FBXL7: variants seen among roughly 807,000 people sequenced by gnomAD.
The protein encoded by FBXL7 is F-box and leucine rich repeat protein 7.
Under a neutral mutation model 38.3 loss-of-function variants are expected in FBXL7, and 12 were observed. The ratio of observed to expected loss-of-function variants is 0.31; its 90% CI spans 0.20 to 0.51. The LOEUF (loss-of-function observed/expected upper bound fraction) is 0.51. FBXL7 is among the 20% of genes least tolerant of loss of function. The pLI, the probability that FBXL7 is intolerant of heterozygous loss-of-function variation, is 0.98. For missense variants in FBXL7, 567 were observed against 676.4 expected (o/e 0.84, Z 1.79); for synonymous variants, 297 against 300.9 (o/e 0.99, Z 0.13).
At chr5:15,654,465 C>T (rs1048930407) in intron 2 of FBXL7, among the ~76,000 whole-genome samples, 7 of 150,584 alleles carry the variant, frequency 4.6e-5, no homozygotes, top group African/African-American at 1.5e-4. Context: ...ATCTACTTAC[C>T]ACTAGCCATG....
rs572755614 is a variant in FBXL7 at position 15,891,761 on chromosome 5, G to A, written c.128-36129G>A. The stretch of plus-strand genomic sequence containing the variant: ...TGGCACATTCAAAGGAGAAATTGAC[G>A]AGAACTGAATAAAGGTGCTATTTAC... On this transcript the variant is annotated intron_variant, in intron 2 of 3. Transcript: ENST00000504595. 2.4e-3 allele frequency among the ~76,000 whole-genome samples: 371 copies of A among 152,256 alleles called. 1 individual carries two copies. The highest frequency in any genetic ancestry group is 3.1e-3 in the Admixed American group (48 of 15,292).
At chr5:15,560,965 A>G (rs1247808006) in intron 1 of FBXL7, among the ~76,000 whole-genome samples, 1 of 152,222 alleles carries the variant, frequency 6.6e-6, no homozygotes, top group African/African-American at 2.4e-5. Context: ...ATATGTGTAT[A>G]CATACTGTAG....
chr5:15,770,524 G>T (rs1736701734), intron 2 of FBXL7, among the ~76,000 whole-genome samples: 1 of 152,196 alleles, frequency 6.6e-6, no homozygotes, highest in Non-Finnish European at 1.5e-5. Context: ...AAGCTGCAGA[G>T]ATGCCAGTGG....
At chr5:15,696,233 T>G (rs1743330044) in intron 2 of FBXL7, among the ~76,000 whole-genome samples, 2 of 152,136 alleles carry the variant, frequency 1.3e-5, no homozygotes, top group Non-Finnish European at 2.9e-5. Context: ...AATAGTATAT[T>G]TAGCCACCCA....
chr5:15,707,932 G>A (rs1156270394), intron 2 of FBXL7, among the ~76,000 whole-genome samples: 1 of 152,040 alleles, frequency 6.6e-6, no homozygotes, highest in Non-Finnish European at 1.5e-5. Flanking sequence ...TCTTTTGTCT[G>A]GACTCTTCTC....
At chr5:15,749,575 C>T (rs193002113) in intron 2 of FBXL7, among the ~76,000 whole-genome samples, 47 of 149,412 alleles carry the variant, frequency 3.1e-4, no homozygotes, top group South Asian at 1.1e-3. Context: ...TGCAGTGAGC[C>T]GAGATTGCGC....
intron 2 of FBXL7, among the ~76,000 whole-genome samples, chr5:15,869,427 A>G (rs890780656): frequency 6.6e-6 from 1 of 152,252 alleles, no homozygotes; most frequent in East Asian, 1.9e-4. Flanking sequence ...CGGCCGACAC[A>G]TGTGGCCCTG....
intron 1 of FBXL7, among the ~76,000 whole-genome samples, chr5:15,534,662 C>T (rs921081656): frequency 2.0e-5 from 3 of 152,066 alleles, no homozygotes; most frequent in Non-Finnish European, 2.9e-5. Flanking sequence ...TTTTCAACTC[C>T]TTTAGGTAAA....
chr5:15,512,607 T>C (rs1736830121), intron 1 of FBXL7, among the ~76,000 whole-genome samples: 1 of 152,226 alleles, frequency 6.6e-6, no homozygotes, highest in Admixed American at 6.5e-5. Context: ...TATTCTAGTT[T>C]GGAACTTTAT....
At chr5:15,890,478 T>A (rs1189374908) in intron 2 of FBXL7, among the ~76,000 whole-genome samples, 1 of 152,112 alleles carries the variant, frequency 6.6e-6, no homozygotes, top group Non-Finnish European at 1.5e-5. Flanking sequence ...CGACCTCAGG[T>A]GATCCACCCA....
At chr5:15,730,353 G>T (rs1202886347) in intron 2 of FBXL7, among the ~76,000 whole-genome samples, 1 of 151,800 alleles carries the variant, frequency 6.6e-6, no homozygotes, top group Non-Finnish European at 1.5e-5. Flanking sequence ...TATAATAATT[G>T]GATTTCTTAA....
intron 2 of FBXL7, among the ~76,000 whole-genome samples, chr5:15,751,014 C>G (rs998182206): frequency 6.6e-6 from 1 of 152,096 alleles, no homozygotes; most frequent in Admixed American, 6.6e-5. Context: ...AGCTTTATAC[C>G]TGTTCCATTG....
chr5:15,768,367 T>G (rs1328703407), intron 2 of FBXL7, among the ~76,000 whole-genome samples: 1 of 151,852 alleles, frequency 6.6e-6, no homozygotes, highest in Non-Finnish European at 1.5e-5. Context: ...CAGTCCCTAC[T>G]GAAAATACAA....
In FBXL7 at chr5:15,565,588, C is replaced by G. The variant is rs148197234; in HGVS notation, c.38-50395C>G. ...TGCCAACTTCTTACAATAAATCTTG[C>G]TCTCTCTCTATATATATGTATATAT... On this transcript the variant is annotated intron_variant, in intron 1 of 3. Coordinates refer to ENST00000504595, the MANE Select transcript of FBXL7 (RefSeq NM_012304.5). 4.4e-3 allele frequency among the ~76,000 whole-genome samples: 672 copies of G among 151,332 alleles called. 1 individual carries two copies. Among genetic ancestry groups the G allele is most frequent in the Non-Finnish European group, 7.4e-3 (502 of 67,834 alleles).
intron 2 of FBXL7, among the ~76,000 whole-genome samples, chr5:15,686,593 C>T (rs1743023727): frequency 6.6e-6 from 1 of 152,138 alleles, no homozygotes; most frequent in Non-Finnish European, 1.5e-5. Context: ...TATAGTGGCC[C>T]TCTAGGGATA....
intron 2 of FBXL7, among the ~76,000 whole-genome samples, chr5:15,811,359 G>A (rs914303616): frequency 2.0e-5 from 3 of 152,134 alleles, no homozygotes; most frequent in Non-Finnish European, 4.4e-5. Context: ...TTCTTCTGAA[G>A]TGTCTTTCCT....
chr5:15,901,951 G>T (rs1741243456), intron 2 of FBXL7, among the ~76,000 whole-genome samples: 1 of 152,180 alleles, frequency 6.6e-6, no homozygotes, highest in African/African-American at 2.4e-5. Flanking sequence ...AACTTGCATT[G>T]TTCAGACTAG....
At chr5:15,704,395 CTG>C (rs568118521) in intron 2 of FBXL7, among the ~76,000 whole-genome samples, 6 of 152,154 alleles carry the variant, frequency 3.9e-5, no homozygotes, top group Non-Finnish European at 8.8e-5. Context: ...AAACTGTAGA[CTG>C]TTTATTTTGA....
At chr5:15,752,469 T>C (rs548446223) in intron 2 of FBXL7, among the ~76,000 whole-genome samples, 2 of 152,278 alleles carry the variant, frequency 1.3e-5, no homozygotes, top group African/African-American at 2.4e-5. Context: ...GAAACCCAGA[T>C]TGAGAAATAG....
Sources: allele counts gnomAD v4.1 joint callset (sites outside exome capture counted in the v4.1 genomes callset), GRCh38; gene constraint gnomAD v4.1.1; transcripts MANE v1.5; gene names NCBI Gene and HGNC (gene_info 2026-07-23, HGNC 2026-07-21).